LSAMP: variants seen among roughly 807,000 people sequenced by gnomAD.
LSAMP encodes the protein limbic system-associated membrane protein.
In LSAMP, 7 loss-of-function variants were observed where a neutral mutation model predicts 38.6. The observed-to-expected ratio is 0.18, with a 90% CI of 0.10 to 0.34. LSAMP has a LOEUF of 0.34. LSAMP is among the 10% of genes least tolerant of loss of function. The probability of loss-of-function intolerance (pLI) is 1.00; values close to 1 mark genes in which losing one functional copy is unlikely to be tolerated. For synonymous variants in LSAMP, 154 were observed against 166.8 expected, an observed-to-expected ratio of 0.92 and a Z score of 0.59; for missense variants, 313 against 420.0, an observed-to-expected ratio of 0.75 and a Z score of 2.23.
chr3:116,392,501 G>T (rs555642307), intron 1 of LSAMP, among the ~76,000 whole-genome samples: 1 of 152,372 alleles, frequency 6.6e-6, no homozygotes, highest in South Asian at 2.1e-4. Flanking sequence ...TGGACTTAGG[G>T]CACTGACAAG....
intron 3 of LSAMP, among the ~76,000 whole-genome samples, chr3:115,868,734 T>G (rs995587815): frequency 1.3e-5 from 2 of 152,164 alleles, no homozygotes; most frequent in African/African-American, 4.8e-5. Flanking sequence ...AGATTTAATC[T>G]TCTTTTTCTA....
At chr3:115,899,652 C>A (rs1340341719) in intron 3 of LSAMP, among the ~76,000 whole-genome samples, 1 of 152,228 alleles carries the variant, frequency 6.6e-6, no homozygotes, top group African/African-American at 2.4e-5. Flanking sequence ...GCCATAAAAT[C>A]TAGATGTGAT....
In LSAMP at chr3:116,105,986, A is replaced by G. The variant is rs530584603; in HGVS notation, c.156-19430T>C. On this transcript the variant is annotated intron_variant, in intron 1 of 6. Coordinates refer to ENST00000490035, the MANE Select transcript of LSAMP (RefSeq NM_002338.5). ...AAGGGAGGTCTTGTGGTAAGGGGTGATATTGTGGGGATGTTAGAAGAAACA... is the reference window on the plus strand; with the variant it reads ...AAGGGAGGTCTTGTGGTAAGGGGTGGTATTGTGGGGATGTTAGAAGAAACA... Among the ~76,000 whole-genome samples, 1,358 of 152,058 alleles carry G rather than the reference A, an allele frequency of 8.9e-3. 21 individuals are homozygous for G. Among genetic ancestry groups the G allele is most frequent in the African/African-American group, 0.029 (1,212 of 41,478 alleles).
intron 1 of LSAMP, among the ~76,000 whole-genome samples, chr3:116,409,405 T>A (rs1324924572): frequency 6.6e-6 from 1 of 151,998 alleles, no homozygotes; most frequent in African/African-American, 2.4e-5. Flanking sequence ...GGATCTGTAG[T>A]TTTCACTCAT....
chr3:115,820,769 G>A (rs1934203442), intron 6 of LSAMP, among the ~76,000 whole-genome samples: 2 of 152,152 alleles, frequency 1.3e-5, no homozygotes, highest in African/African-American at 2.4e-5. Flanking sequence ...GAGACTGAAT[G>A]AATCAATTAA....
intron 1 of LSAMP, among the ~76,000 whole-genome samples, chr3:116,149,075 T>C (rs1358077575): frequency 2.0e-5 from 3 of 151,912 alleles, no homozygotes; most frequent in Non-Finnish European, 4.4e-5. Context: ...AGTCACCAAT[T>C]ATGTTTACAG....
At chr3:116,436,328 T>C (rs536777511) in intron 1 of LSAMP, among the ~76,000 whole-genome samples, 14 of 152,082 alleles carry the variant, frequency 9.2e-5, no homozygotes, top group African/African-American at 3.4e-4. Context: ...GCAATTGCAA[T>C]AAAAACAAAG....
intron 2 of LSAMP, among the ~76,000 whole-genome samples, chr3:116,075,232 G>A (rs1229063980): frequency 1.3e-5 from 2 of 150,752 alleles, no homozygotes; most frequent in East Asian, 2.0e-4. Context: ...CACCTCTAGG[G>A]TTCAAGCAAT....
chr3:116,014,960 G>T (rs1940435171), intron 3 of LSAMP, among the ~76,000 whole-genome samples: 1 of 152,064 alleles, frequency 6.6e-6, no homozygotes, highest in Admixed American at 6.6e-5. Flanking sequence ...ATCAGTGAAG[G>T]GTTCAGACTT....
chr3:116,077,930 T>G (rs1707782693), intron 2 of LSAMP, among the ~76,000 whole-genome samples: 1 of 152,244 alleles, frequency 6.6e-6, no homozygotes, highest in Non-Finnish European at 1.5e-5. Flanking sequence ...CTAGGAAATA[T>G]TTCACAGAAG....
chr3:115,864,062 T>A, intron 3 of LSAMP, among the ~76,000 whole-genome samples: 1 of 152,206 alleles, frequency 6.6e-6, no homozygotes, highest in Non-Finnish European at 1.5e-5. Flanking sequence ...TGTTCAACTG[T>A]GGCTATTAAA....
chr3:116,217,420 T>C (rs935866689), intron 1 of LSAMP, among the ~76,000 whole-genome samples: 3 of 152,234 alleles, frequency 2.0e-5, no homozygotes, highest in Non-Finnish European at 4.4e-5. Flanking sequence ...GAACAAGTTA[T>C]TTAATTATCT....
At chr3:116,251,863 T>G (rs765897585) in intron 1 of LSAMP, among the ~76,000 whole-genome samples, 4 of 152,212 alleles carry the variant, frequency 2.6e-5, no homozygotes, top group Non-Finnish European at 5.9e-5. Context: ...GTAAATAGAA[T>G]TATTTGTTAA....
At chr3:115,946,372 C>A (rs556693800) in intron 3 of LSAMP, among the ~76,000 whole-genome samples, 1 of 152,136 alleles carries the variant, frequency 6.6e-6, no homozygotes, top group South Asian at 2.1e-4. Context: ...GCAGCCAAGG[C>A]GTGGGCTGTG....
intron 1 of LSAMP, among the ~76,000 whole-genome samples, chr3:116,326,805 C>T (rs150196842): frequency 1.0e-3 from 155 of 152,168 alleles, no homozygotes; most frequent in Non-Finnish European, 1.9e-3. Context: ...TTTCACAATG[C>T]CTTTGCCACC....
intron 1 of LSAMP, among the ~76,000 whole-genome samples, chr3:116,264,201 ACT>A (rs1384877920): frequency 6.0e-4 from 91 of 152,210 alleles, no homozygotes; most frequent in African/African-American, 2.1e-3. Flanking sequence ...CTGGTCTCTT[ACT>A]CAATTTCTAG....
chr3:116,119,083 A>C (rs1708816805), intron 1 of LSAMP, among the ~76,000 whole-genome samples: 1 of 152,172 alleles, frequency 6.6e-6, no homozygotes, highest in Non-Finnish European at 1.5e-5. Context: ...ATAAAATGCC[A>C]TTTCACATTT....
chr3:116,252,761 A>C (rs2046700995), intron 1 of LSAMP, among the ~76,000 whole-genome samples: 1 of 152,204 alleles, frequency 6.6e-6, no homozygotes, highest in South Asian at 2.1e-4. Context: ...CCATTTCTGT[A>C]AATAGTGTGG....
chr3:115,906,305 G>T (rs1937006308), intron 3 of LSAMP, among the ~76,000 whole-genome samples: 1 of 152,132 alleles, frequency 6.6e-6, no homozygotes, highest in Non-Finnish European at 1.5e-5. Flanking sequence ...TAAGCATGGT[G>T]CTGAGATGAC....
Sources: allele counts gnomAD v4.1 joint callset (sites outside exome capture counted in the v4.1 genomes callset), GRCh38; gene constraint gnomAD v4.1.1; transcripts MANE v1.5; gene names NCBI Gene and HGNC (gene_info 2026-07-23, HGNC 2026-07-21).